Variants in DCDC1 observed in about 807,000 individuals in gnomAD.
DCDC1 encodes the protein doublecortin domain containing 1.
In DCDC1, 200 loss-of-function variants were observed where a neutral mutation model predicts 178.3. The ratio of observed to expected loss-of-function variants is 1.12; its 90% CI spans 1.00 to 1.26. DCDC1 has a LOEUF of 1.26. Among genes scored for constraint, DCDC1 ranks in the 50% most tolerant of loss-of-function variants. The probability of loss-of-function intolerance (pLI) is 0.00; values close to 1 mark genes in which losing one functional copy is unlikely to be tolerated. For synonymous variants in DCDC1, 690 were observed against 604.8 expected (o/e 1.14, Z -2.07); for missense variants, 1,983 against 1,749.2 (o/e 1.13, Z -2.38).
rs1291150571 is a variant in DCDC1, at chr11:30,993,058, A to G, written c.2592-40490T>C. 2.0e-5 allele frequency among the ~76,000 whole-genome samples: 3 copies of G among 151,724 alleles called. No individual in the cohort carries two copies. In the East Asian group the frequency reaches 5.8e-4, roughly 29 times the overall value. On this transcript the variant is annotated intron_variant, in intron 20 of 38. Transcript: ENST00000684477. ...TTTTAATATTTACTTAATTTAAAAA[A>G]GTAAAATGGCACTCCACATGAAAAA...
intron 7 of DCDC1, among the ~76,000 whole-genome samples, chr11:31,277,163 T>C (rs1946052669): frequency 6.6e-6 from 1 of 152,046 alleles, no homozygotes. Flanking sequence ...AAGTCACCAA[T>C]AATCTGGTTT....
chr11:31,298,086 G>A (rs971121613), intron 6 of DCDC1, among the ~76,000 whole-genome samples: 1 of 152,120 alleles, frequency 6.6e-6, no homozygotes, highest in African/African-American at 2.4e-5. Flanking sequence ...CAGATATTCC[G>A]AGTTCACAAA....
intron 18 of DCDC1, among the ~76,000 whole-genome samples, chr11:31,068,624 G>C (rs943890612): frequency 7.2e-5 from 11 of 152,030 alleles, no homozygotes; most frequent in Admixed American, 1.3e-4. Context: ...TAATATTGGA[G>C]GAATAGGTTC....
chr11:31,076,545 C>T (rs1033645558), intron 18 of DCDC1, among the ~76,000 whole-genome samples: 4 of 151,916 alleles, frequency 2.6e-5, no homozygotes, highest in Non-Finnish European at 5.9e-5. Context: ...TGGGATCTTG[C>T]CATGTTGCCC....
chr11:31,251,535 A>G (rs1339928106), intron 8 of DCDC1, among the ~76,000 whole-genome samples: 2 of 152,100 alleles, frequency 1.3e-5, no homozygotes, highest in Admixed American at 6.6e-5. Flanking sequence ...CAGCTTGCCA[A>G]CTATAGAGCT....
chr11:31,254,984 T>C (rs988319699), intron 8 of DCDC1, among the ~76,000 whole-genome samples: 9 of 152,138 alleles, frequency 5.9e-5, no homozygotes, highest in Admixed American at 5.2e-4. Flanking sequence ...CCAATCTGCA[T>C]TCTGTCTCTG....
At chr11:31,012,058 G>A (rs984722213) in intron 20 of DCDC1, among the ~76,000 whole-genome samples, 3 of 151,970 alleles carry the variant, frequency 2.0e-5, no homozygotes, top group Non-Finnish European at 2.9e-5. Flanking sequence ...CTCCTCCTTC[G>A]CTCTCTCTTC....
At chr11:31,140,185 C>T (rs937547943) in intron 9 of DCDC1, among the ~76,000 whole-genome samples, 4 of 152,014 alleles carry the variant, frequency 2.6e-5, no homozygotes, top group Non-Finnish European at 4.4e-5. Flanking sequence ...TATATGCTTT[C>T]GATTTGCTGT....
chr11:31,353,184 A>G (rs1489754964), intron 1 of DCDC1, among the ~76,000 whole-genome samples: 1 of 152,234 alleles, frequency 6.6e-6, no homozygotes, highest in East Asian at 1.9e-4. Flanking sequence ...AATTTTCACA[A>G]TCTCGGCAAG....
At chr11:31,022,706 ATATG>A (rs762774170) in intron 20 of DCDC1, among the ~76,000 whole-genome samples, 3 of 144,310 alleles carry the variant, frequency 2.1e-5, no homozygotes, top group Non-Finnish European at 3.0e-5. Flanking sequence ...TTATCTATCT[ATATG>A]TCTATCTACT....
At chr11:31,148,443 G>A (rs533574401) in intron 9 of DCDC1, among the ~76,000 whole-genome samples, 2 of 151,936 alleles carry the variant, frequency 1.3e-5, no homozygotes, top group African/African-American at 4.8e-5. Context: ...GGTGGAGGTT[G>A]CAGTGAGCCA....
intron 10 of DCDC1, among the ~76,000 whole-genome samples, chr11:31,133,950 G>A (rs559289027): frequency 1.3e-5 from 2 of 152,250 alleles, no homozygotes; most frequent in African/African-American, 2.4e-5. Flanking sequence ...TGATCTGCCC[G>A]CTTCAGCCTC....
intron 9 of DCDC1, among the ~76,000 whole-genome samples, chr11:31,147,972 G>A (rs1190024322): frequency 6.6e-6 from 1 of 152,106 alleles, no homozygotes; most frequent in African/African-American, 2.4e-5. Context: ...GGCCTGGCTG[G>A]GGTCAGGGGC....
chr11:31,138,948 GT>G (rs1963490040), intron 9 of DCDC1, among the ~76,000 whole-genome samples: 1 of 151,836 alleles, frequency 6.6e-6, no homozygotes, highest in African/African-American at 2.4e-5. Flanking sequence ...GAATCTTTTG[GT>G]GATTCTGATG....
At chr11:31,084,487 G>C (rs1311191133) in intron 17 of DCDC1, among the ~76,000 whole-genome samples, 1 of 152,052 alleles carries the variant, frequency 6.6e-6, no homozygotes, top group Non-Finnish European at 1.5e-5. Flanking sequence ...GGTCCTTCCT[G>C]CTTTCTAAAA....
chr11:31,062,358 A>G (rs1439352133), intron 20 of DCDC1, among the ~76,000 whole-genome samples: 1 of 152,100 alleles, frequency 6.6e-6, no homozygotes, highest in East Asian at 1.9e-4. Context: ...TTGAGTTTCT[A>G]TTTTAGATGA....
chr11:31,080,721 G>T (rs1443919173), intron 17 of DCDC1, among the ~76,000 whole-genome samples: 2 of 152,180 alleles, frequency 1.3e-5, no homozygotes, highest in Non-Finnish European at 2.9e-5. Context: ...TGCTTTGATA[G>T]AAATGTGTTG....
At chr11:31,316,042 A>C in intron 3 of DCDC1, among the ~76,000 whole-genome samples, 1 of 70,224 alleles carries the variant, frequency 1.4e-5, no homozygotes, top group Non-Finnish European at 2.6e-5. Context: ...CATTTTCTTA[A>C]TCCATCTATC....
Position 30,965,673 on chromosome 11 carries a change from C to T in DCDC1, c.2592-13105G>A, listed in dbSNP as rs555693052. 6.8e-5 allele frequency among the ~76,000 whole-genome samples: 10 copies of T among 146,642 alleles called. No homozygotes were observed. In the East Asian group the frequency reaches 1.8e-3, roughly 27 times the overall value. On this transcript the variant is annotated intron_variant, in intron 20 of 38. Coordinates refer to ENST00000684477, the MANE Select transcript of DCDC1 (RefSeq NM_001387274.1). ...TGTGCAGGTTAGTTACATATGTATA[C>T]ATGTGCCATGCTGGTGCGCTGCAGC...
Sources: allele counts gnomAD v4.1 joint callset (sites outside exome capture counted in the v4.1 genomes callset), GRCh38; gene constraint gnomAD v4.1.1; transcripts MANE v1.5; gene names NCBI Gene and HGNC (gene_info 2026-07-23, HGNC 2026-07-21).